LARS2: variants seen among roughly 807,000 people sequenced by gnomAD.
LARS2 encodes leucyl-tRNA synthetase 2, mitochondrial.
LARS2 carries 81 observed loss-of-function variants against 116.6 expected under a neutral mutation model. That is an observed-to-expected ratio of 0.69 (90% CI 0.58 to 0.84). The LOEUF is 0.84. Ranked by LOEUF, LARS2 falls within the 40% of genes least tolerant of loss-of-function variation. The probability of loss-of-function intolerance (pLI) is 0.00; values close to 1 mark genes in which losing one functional copy is unlikely to be tolerated. For missense variants in LARS2, 968 were observed against 1,114.5 expected (o/e 0.87, Z 1.87); for synonymous variants, 396 against 407.2 (o/e 0.97, Z 0.33).
At chr3:45,513,366 G>A in intron 16 of LARS2, 131 bp downstream of exon 16, 1 of 676,332 alleles carries the variant, frequency 1.5e-6, no homozygotes, top group Non-Finnish European at 2.7e-6. Flanking sequence ...TGGCTGTGAG[G>A]TCTCTAAGCC....
rs189322659 is a variant in LARS2, at chr3:45,479,655, G to A, written c.1018+3028G>A. On this transcript the variant is annotated intron_variant, in intron 10 of 21. Coordinates refer to ENST00000645846, the MANE Select transcript of LARS2 (RefSeq NM_015340.4). ...TGAAATTTAGTTTATTTCCATAATC[G>A]TTGACGTCGCCTCCTTCTCTCAGCT... Among the ~76,000 whole-genome samples, 373 of 152,218 alleles carry A rather than the reference G, an allele frequency of 2.5e-3. 2 individuals carry two copies. The highest frequency in any genetic ancestry group is 7.5e-3 in the African/African-American group (310 of 41,526).
intron 3 of LARS2, 89 bp from the exon 4 acceptor site, chr3:45,400,156 A>G: frequency 8.5e-7 from 1 of 1,172,652 alleles, no homozygotes; most frequent in Non-Finnish European, 1.2e-6. Flanking sequence ...ATGTTAAATT[A>G]TTACTTTGTG....
At chr3:45,451,262 A>C (rs575191176) in intron 7 of LARS2, among the ~76,000 whole-genome samples, 8 of 149,900 alleles carry the variant, frequency 5.3e-5, no homozygotes, top group South Asian at 2.1e-4. Flanking sequence ...GGTCTTACCC[A>C]AAAAAAAAAT....
chr3:45,518,410 C>T (rs1171417862), intron 18 of LARS2, among the ~76,000 whole-genome samples: 1 of 152,148 alleles, frequency 6.6e-6, no homozygotes, highest in Admixed American at 6.5e-5. Flanking sequence ...TCCAGGATCA[C>T]CCTGTCATCC....
intron 8 of LARS2, among the ~76,000 whole-genome samples, chr3:45,460,129 A>G (rs1244885476): frequency 6.6e-6 from 1 of 152,226 alleles, no homozygotes; most frequent in Non-Finnish European, 1.5e-5. Flanking sequence ...CACATAAAAG[A>G]CATGTCTTAA....
chr3:45,534,821 C>G (rs1438811713), intron 20 of LARS2, among the ~76,000 whole-genome samples: 1 of 152,212 alleles, frequency 6.6e-6, no homozygotes, highest in African/African-American at 2.4e-5. Context: ...ACAGACCCAG[C>G]GTCTTGGCAG....
At chr3:45,521,315 T>TA in intron 19 of LARS2, among the ~76,000 whole-genome samples, 1 of 151,498 alleles carries the variant, frequency 6.6e-6, no homozygotes, top group Non-Finnish European at 1.5e-5. Context: ...AAAAACAAAG[T>TA]AAAAAAATAA....
In LARS2 at chr3:45,541,920, C is replaced by T. The variant is rs201812266; in HGVS notation, c.2496C>T (p.Phe832=). ...CATGGCCTGCTGTGGACCCGGAGTTCCTGCAGCAGCCTGAGGTTGTCCAGA... is the reference window on the plus strand; with the variant it reads ...CATGGCCTGCTGTGGACCCGGAGTTTCTGCAGCAGCCTGAGGTTGTCCAGA... The part of the protein sequence containing the change: ...LQAWPAVDPE[F]LQQPEVVQMA... Residue 832 remains phenylalanine (F), a synonymous_variant, in exon 21 of 22, where the codon TTC becomes TTT. Coordinates refer to ENST00000645846, the MANE Select transcript of LARS2 (RefSeq NM_015340.4). 2.2e-5 allele frequency: 35 copies of T among 1,614,224 alleles called. No homozygotes were observed. The African/African-American group carries it at 4.1e-4, about 19-fold the overall frequency.
intron 6 of LARS2, among the ~76,000 whole-genome samples, chr3:45,446,054 A>G (rs1699012641): frequency 6.6e-6 from 1 of 152,232 alleles, no homozygotes; most frequent in Non-Finnish European, 1.5e-5. Flanking sequence ...AACCTTGGTG[A>G]CAGAACAAGA....
chr3:45,390,634 ATTATTTAT>A lies in LARS2; in HGVS notation c.-87-922_-87-915del, dbSNP rs373874105. On this transcript the variant is annotated intron_variant, in intron 1 of 21. Transcript: ENST00000645846. ...GCCTTCTTTGCCCATTTTTATTTTT[ATTATTTAT>A]TTATTTATTTATTTATTTATTTATT... Among the ~76,000 whole-genome samples, 402 of 140,422 alleles carry A rather than the reference ATTATTTAT, an allele frequency of 2.9e-3. 3 individuals carry two copies. The highest frequency in any genetic ancestry group is 4.2e-3 in the Non-Finnish European group (272 of 65,268). The allele number at this position is 140,422 out of a possible 152,430, so 92.1% of individuals were successfully genotyped here. A position where few individuals can be genotyped will look rare whatever the true frequency, so the allele number is the denominator to read the frequency against.
chr3:45,422,168 G>A (rs1022529012), intron 6 of LARS2: 3 of 152,090 alleles, frequency 2.0e-5, no homozygotes, highest in African/African-American at 7.2e-5. Flanking sequence ...CCTTTCTCAA[G>A]TTATACAGTT....
chr3:45,465,570 T>C (rs1307464046), intron 8 of LARS2, among the ~76,000 whole-genome samples: 2 of 152,266 alleles, frequency 1.3e-5, no homozygotes, highest in Non-Finnish European at 1.5e-5. Flanking sequence ...AAATCTTTAA[T>C]AACAGCCCGG....
At chr3:45,532,343 G>A (rs987683067) in intron 20 of LARS2, among the ~76,000 whole-genome samples, 1 of 152,184 alleles carries the variant, frequency 6.6e-6, no homozygotes, top group East Asian at 1.9e-4. Flanking sequence ...AGTTGTTGAG[G>A]TGATGTATTA....
In LARS2 at chr3:45,502,851, G is replaced by A. The variant is rs1347978943; in HGVS notation, c.1760+2272G>A. Among the ~76,000 whole-genome samples, 2 of 151,758 alleles carry A rather than the reference G, an allele frequency of 1.3e-5. 1 individual carries two copies. The highest frequency in any genetic ancestry group is 2.9e-5 in the Non-Finnish European group (2 of 67,906). On this transcript the variant is annotated intron_variant, in intron 15 of 21. Transcript: ENST00000645846. The stretch of plus-strand genomic sequence containing the variant: ...TTTTAAATTTTCCTTTATGATTTTT[G>A]TAGTATTTTCATGGTATCTTTTAAG...
At chr3:45,496,855 A>AT (rs2125737148) in intron 14 of LARS2, among the ~76,000 whole-genome samples, 1 of 152,390 alleles carries the variant, frequency 6.6e-6, no homozygotes, top group South Asian at 2.1e-4. Flanking sequence ...GTGCTACATC[A>AT]TTAAGTTAGA....
At chr3:45,408,562 T>A (rs1448566825) in intron 4 of LARS2, among the ~76,000 whole-genome samples, 6 of 152,236 alleles carry the variant, frequency 3.9e-5, no homozygotes, top group Non-Finnish European at 8.8e-5. Context: ...TAGGAAATCC[T>A]GGTAACATTG....
chr3:45,514,568 G>C (rs1319579920), intron 16 of LARS2, among the ~76,000 whole-genome samples: 1 of 152,152 alleles, frequency 6.6e-6, no homozygotes, highest in South Asian at 2.1e-4. Context: ...TTAGTGAAGT[G>C]TTCTCTGTAA....
intron 14 of LARS2, among the ~76,000 whole-genome samples, chr3:45,498,481 A>G (rs1229761984): frequency 6.6e-6 from 1 of 152,132 alleles, no homozygotes; most frequent in Non-Finnish European, 1.5e-5. Context: ...GAAGAAAAAA[A>G]GTGTTTTTTA....
chr3:45,543,476 T>G (rs924126646), intron 21 of LARS2, among the ~76,000 whole-genome samples: 1 of 151,062 alleles, frequency 6.6e-6, no homozygotes, highest in Non-Finnish European at 1.5e-5. Context: ...TTTTTATTTT[T>G]TTTTTTGGTG....
Sources: gnomAD v4.1 joint callset for allele counts (sites outside exome capture counted in the v4.1 genomes callset) on GRCh38, gnomAD v4.1.1 for gene constraint, MANE v1.5 for transcripts, NCBI Gene and HGNC (gene_info 2026-07-23, HGNC 2026-07-21) for gene names.